AGBL1: variants seen among roughly 807,000 people sequenced by gnomAD.
AGBL1 encodes cytosolic carboxypeptidase 4.
A neutral mutation model predicts 118.9 loss-of-function variants in AGBL1; 130 were observed. That is an observed-to-expected ratio of 1.09 (90% CI 0.95 to 1.26). The LOEUF (loss-of-function observed/expected upper bound fraction) is 1.26, where lower values mean the gene tolerates loss of function less well. AGBL1 is among the 50% of genes most tolerant of loss of function. The pLI, the probability that AGBL1 is intolerant of heterozygous loss-of-function variation, is 0.00. For missense variants in AGBL1, 1,584 were observed against 1,298.1 expected, an observed-to-expected ratio of 1.22 and a Z score of -3.38; for synonymous variants, 555 against 478.9, an observed-to-expected ratio of 1.16 and a Z score of -2.08.
chr15:86,297,433 AAT>A (rs1340176497), intron 17 of AGBL1, among the ~76,000 whole-genome samples: 9 of 152,200 alleles, frequency 5.9e-5, no homozygotes, highest in Non-Finnish European at 5.9e-5. Context: ...CACTCTGCTT[AAT>A]GCTTTTCTGC....
intron 22 of AGBL1, among the ~76,000 whole-genome samples, chr15:86,862,181 A>T (rs551370742): frequency 2.0e-5 from 3 of 152,216 alleles, no homozygotes; most frequent in Non-Finnish European, 2.9e-5. Context: ...ACGCAGAGTA[A>T]CTGCTTGAGG....
intron 22 of AGBL1, among the ~76,000 whole-genome samples, chr15:86,686,126 C>T (rs896636951): frequency 6.6e-6 from 1 of 152,108 alleles, no homozygotes; most frequent in African/African-American, 2.4e-5. Context: ...CTTCTCCTCC[C>T]CACTCTCAGC....
chr15:86,706,061 C>T (rs1051991904), intron 22 of AGBL1, among the ~76,000 whole-genome samples: 2 of 151,960 alleles, frequency 1.3e-5, no homozygotes, highest in African/African-American at 4.8e-5. Context: ...AATTTCATGG[C>T]TTAATTTCCA....
intron 6 of AGBL1, among the ~76,000 whole-genome samples, chr15:86,241,064 T>C (rs189751329): frequency 2.0e-5 from 3 of 152,262 alleles, no homozygotes; most frequent in African/African-American, 4.8e-5. Flanking sequence ...GCACCTGGTA[T>C]AAAATGGGGT....
chr15:86,153,361 G>A (rs1034907547), intron 3 of AGBL1, among the ~76,000 whole-genome samples: 2 of 152,146 alleles, frequency 1.3e-5, no homozygotes, highest in Non-Finnish European at 1.5e-5. Context: ...TTCCTTTGCA[G>A]GGACATGGAT....
intron 23 of AGBL1, among the ~76,000 whole-genome samples, chr15:86,925,236 C>G (rs1045743226): frequency 6.6e-6 from 1 of 151,470 alleles, no homozygotes; most frequent in Non-Finnish European, 1.5e-5. Flanking sequence ...GAACCTGAAC[C>G]TGGGTGGCTT....
chr15:86,564,031 C>T (rs532703162), intron 21 of AGBL1, among the ~76,000 whole-genome samples: 15 of 152,228 alleles, frequency 9.9e-5, no homozygotes, highest in African/African-American at 2.4e-4. Flanking sequence ...TGTTTCTGAA[C>T]GTGAGATGGG....
chr15:86,366,921 C>T (rs1035197060), intron 17 of AGBL1, among the ~76,000 whole-genome samples: 12 of 152,176 alleles, frequency 7.9e-5, no homozygotes, highest in African/African-American at 2.4e-4. Flanking sequence ...CCATACTCTG[C>T]GACACCCGGG....
At chr15:86,640,653 T>C (rs1241394772) in intron 21 of AGBL1, among the ~76,000 whole-genome samples, 2 of 152,186 alleles carry the variant, frequency 1.3e-5, no homozygotes, top group African/African-American at 4.8e-5. Context: ...TCTAAGATTC[T>C]GTCTCTTTCC....
intron 17 of AGBL1, among the ~76,000 whole-genome samples, chr15:86,391,055 G>A (rs2081274746): frequency 6.7e-6 from 1 of 150,340 alleles, no homozygotes; most frequent in African/African-American, 2.4e-5. Context: ...GTTGCCAGAG[G>A]CTAGGGGTGG....
chr15:86,857,545 A>G (rs187477931), intron 22 of AGBL1, among the ~76,000 whole-genome samples: 117 of 152,308 alleles, frequency 7.7e-4, no homozygotes, highest in African/African-American at 2.8e-3. Flanking sequence ...TACCTGGCTA[A>G]CTATTCCTTA....
chr15:86,302,875 G>C (rs1354837229), intron 17 of AGBL1, among the ~76,000 whole-genome samples: 1 of 151,870 alleles, frequency 6.6e-6, no homozygotes, highest in East Asian at 1.9e-4. Context: ...AATGGGAAAA[G>C]TAAGTTGGGC....
At chr15:86,134,181 T>C (rs1468347811) in intron 1 of AGBL1, among the ~76,000 whole-genome samples, 1 of 152,242 alleles carries the variant, frequency 6.6e-6, no homozygotes, top group Admixed American at 6.5e-5. Flanking sequence ...TTGAAGTTTG[T>C]GATTAGTGCT....
intron 18 of AGBL1, among the ~76,000 whole-genome samples, chr15:86,512,378 A>G (rs2083062653): frequency 6.6e-6 from 1 of 151,926 alleles, no homozygotes; most frequent in Non-Finnish European, 1.5e-5. Flanking sequence ...TATTTGAAAA[A>G]TCAGTTTTTC....
chr15:86,645,571 C>T (rs899200005), intron 21 of AGBL1, among the ~76,000 whole-genome samples: 3 of 152,228 alleles, frequency 2.0e-5, no homozygotes, highest in African/African-American at 4.8e-5. Context: ...GGTCTTCTGA[C>T]CATCTCCTGT....
chr15:86,593,627 G>A (rs938734043), intron 21 of AGBL1, among the ~76,000 whole-genome samples: 1 of 152,106 alleles, frequency 6.6e-6, no homozygotes, highest in African/African-American at 2.4e-5. Context: ...TTTATATACA[G>A]TAAAATTCAC....
At chr15:86,520,108 C>A (rs1489450957) in intron 18 of AGBL1, among the ~76,000 whole-genome samples, 1 of 152,016 alleles carries the variant, frequency 6.6e-6, no homozygotes, top group Non-Finnish European at 1.5e-5. Flanking sequence ...ATATAGCTAT[C>A]TGATTATTCT....
chr15:86,975,930 C>G (rs1450410633), intron 23 of AGBL1, among the ~76,000 whole-genome samples: 1 of 57,002 alleles, frequency 1.8e-5, no homozygotes, highest in Non-Finnish European at 4.1e-5. Context: ...CCCATGACAG[C>G]AGAGCAGTTT....
chr15:86,961,351 C>T (rs763060461), intron 23 of AGBL1, among the ~76,000 whole-genome samples: 1 of 152,006 alleles, frequency 6.6e-6, no homozygotes, highest in Non-Finnish European at 1.5e-5. Flanking sequence ...TGCAGCTCTA[C>T]TGTAGGATTT....
Sources: allele counts gnomAD v4.1 joint callset (sites outside exome capture counted in the v4.1 genomes callset), GRCh38; gene constraint gnomAD v4.1.1; transcripts MANE v1.5; gene names NCBI Gene and HGNC (gene_info 2026-07-23, HGNC 2026-07-21).